Variants in ZNF490 observed in about 807,000 individuals in gnomAD.
ZNF490 encodes zinc finger protein 490.
A neutral mutation model predicts 17.7 loss-of-function variants in ZNF490; 11 were observed. That is an observed-to-expected ratio of 0.62 (90% CI 0.39 to 1.03). The LOEUF is 1.03. Among genes scored for constraint, ZNF490 ranks in the 50% least tolerant of loss-of-function variants. The pLI, the probability that ZNF490 is intolerant of heterozygous loss-of-function variation, is 0.00. For synonymous variants in ZNF490, 222 were observed against 216.1 expected, an observed-to-expected ratio of 1.03 and a Z score of -0.24; for missense variants, 542 against 643.4, an observed-to-expected ratio of 0.84 and a Z score of 1.71.
Position 12,610,722 on chromosome 19 carries a change from G to A in ZNF490, c.-42C>T. 3.8e-6 allele frequency: 6 copies of A among 1,579,792 alleles called. No individual in the cohort carries two copies. The highest frequency in any genetic ancestry group is 5.2e-6 in the Non-Finnish European group (6 of 1,152,082). On this transcript the variant is annotated 5_prime_UTR_variant, in exon 1 of 5. Transcript: ENST00000311437. ...AGAAACACTGCAGGAAGACTTCCGT[G>A]TCCGACCCGAGATCCGGAACAATTT...
intron 2 of ZNF490, 102 bp from the exon 3 acceptor site, chr19:12,583,658 C>A: frequency 7.9e-7 from 1 of 1,264,186 alleles, no homozygotes; most frequent in South Asian, 1.6e-5. Context: ...CCTGTAGTCT[C>A]GGTTTAGTGG....
rs1323598750 is a variant in ZNF490 at position 12,578,576 on chromosome 19, T to C, written c.*1909A>G. On this transcript the variant is annotated 3_prime_UTR_variant, in exon 5 of 5. Coordinates refer to ENST00000311437, the MANE Select transcript of ZNF490 (RefSeq NM_020714.3). ...AAACAGCCCTGGAATAATGCAATGCTGACAATGTCTGTGAATTAGGATGTG... is the reference window on the plus strand; with the variant it reads ...AAACAGCCCTGGAATAATGCAATGCCGACAATGTCTGTGAATTAGGATGTG... 1.0e-6 allele frequency: 1 copy of C among 985,484 alleles called. No homozygotes were observed. Among genetic ancestry groups the C allele is most frequent in the African/African-American group, 1.7e-5 (1 of 57,372 alleles). The allele number at this position is 985,484 out of a possible 1,614,324, so 61.0% of individuals were successfully genotyped here. A position where few individuals can be genotyped will look rare whatever the true frequency, so the allele number is the denominator to read the frequency against.
chr19:12,580,656 T>C lies in ZNF490; in HGVS notation c.1419A>G (p.Pro473=). The C allele has an allele frequency of 6.2e-7, 1 of 1,614,210 alleles. No homozygotes were observed. Among genetic ancestry groups the C allele is most frequent in the Non-Finnish European group, 8.5e-7 (1 of 1,180,034 alleles). The change falls in exon 5 of 5, where the codon CCA becomes CCG. Residue 473 remains proline, a synonymous_variant. Coordinates refer to ENST00000311437, the MANE Select transcript of ZNF490 (RefSeq NM_020714.3). ...RHERSHTGVK[P]CECKQCGKAF... Reference sequence around the variant, plus strand: ...CTTTGCCACACTGCTTACACTCACATGGTTTCACTCCAGTGTGACTTCTTT... The same window carrying C: ...CTTTGCCACACTGCTTACACTCACACGGTTTCACTCCAGTGTGACTTCTTT...
At chr19:12,589,396 T>C (rs772462729) in intron 2 of ZNF490, among the ~76,000 whole-genome samples, 2 of 151,924 alleles carry the variant, frequency 1.3e-5, no homozygotes, top group East Asian at 1.9e-4. Flanking sequence ...AACCAAAAGG[T>C]GGTCTTGTGA....
intron 3 of ZNF490, 41 bp downstream of exon 3, chr19:12,583,389 G>T: frequency 6.5e-7 from 1 of 1,544,664 alleles, no homozygotes; most frequent in Non-Finnish European, 8.8e-7. Context: ...AGAAACACCT[G>T]TTCCCTCCTT....
chr19:12,597,313 G>C (rs998680193), intron 2 of ZNF490: 3 of 391,562 alleles, frequency 7.7e-6, no homozygotes, highest in Admixed American at 2.8e-5. Flanking sequence ...TTCAGAGCTA[G>C]GGTGCAAGCG....
chr19:12,600,801 G>A lies in ZNF490; in HGVS notation c.162+8357C>T, dbSNP rs145603808. 1.6e-4 allele frequency among the ~76,000 whole-genome samples: 24 copies of A among 152,274 alleles called. No homozygotes were observed. In the East Asian group the frequency reaches 4.4e-3, roughly 28 times the overall value. On this transcript the variant is annotated intron_variant, in intron 2 of 4. Coordinates refer to ENST00000311437, the MANE Select transcript of ZNF490 (RefSeq NM_020714.3). The stretch of plus-strand genomic sequence containing the variant: ...AGTTTTAGATAACTTTGGAGATTGT[G>A]ACATCAGAATAGAGAAAAAATGTTC...
intron 2 of ZNF490, among the ~76,000 whole-genome samples, chr19:12,583,877 G>C (rs1183857197): frequency 2.1e-5 from 3 of 140,236 alleles, no homozygotes; most frequent in South Asian, 2.2e-4. Context: ...GTGGCACAAT[G>C]TCGGCTCACT....
intron 2 of ZNF490, among the ~76,000 whole-genome samples, chr19:12,604,971 T>C (rs1001566427): frequency 4.6e-5 from 7 of 151,906 alleles, no homozygotes; most frequent in African/African-American, 1.7e-4. Flanking sequence ...CTGGCCAACA[T>C]GGTGAAACCC....
intron 2 of ZNF490, 53 bp downstream of exon 2, chr19:12,609,105 G>T (rs2023109442): frequency 1.9e-6 from 3 of 1,581,582 alleles, no homozygotes; most frequent in African/African-American, 2.7e-5. Flanking sequence ...AGACCCAAAT[G>T]GTCATTATAA....
At chr19:12,583,342 TCCC>T (rs1599305829) in intron 3 of ZNF490, 85 bp downstream of exon 3, 2 of 1,439,050 alleles carry the variant, frequency 1.4e-6, no homozygotes, top group Non-Finnish European at 1.9e-6. Flanking sequence ...CCTGGCCCCT[TCCC>T]CCATTTTAAA....
intron 2 of ZNF490, among the ~76,000 whole-genome samples, chr19:12,589,240 C>G (rs1025177663): frequency 1.3e-5 from 2 of 152,088 alleles, no homozygotes; most frequent in African/African-American, 4.8e-5. Context: ...GCCTATAATC[C>G]CAGCTACTTG....
chr19:12,596,512 T>A (rs1373211711), intron 2 of ZNF490, among the ~76,000 whole-genome samples: 1 of 151,976 alleles, frequency 6.6e-6, no homozygotes, highest in African/African-American at 2.4e-5. Flanking sequence ...AGACCCTGTA[T>A]CTACAAAATA....
chr19:12,593,001 C>T (rs904674732), intron 2 of ZNF490, among the ~76,000 whole-genome samples: 5 of 152,176 alleles, frequency 3.3e-5, no homozygotes, highest in African/African-American at 9.7e-5. Flanking sequence ...TATGGTGCTT[C>T]GTGAGCCAGA....
chr19:12,582,297 G>A (rs1339608078), intron 4 of ZNF490, among the ~76,000 whole-genome samples: 1 of 151,028 alleles, frequency 6.6e-6, no homozygotes, highest in Non-Finnish European at 1.5e-5. Flanking sequence ...TCACTATGTT[G>A]ACCAGGCTGG....
At position 12,578,119 on chromosome 19, in the gene ZNF490, C is replaced by T; in HGVS notation, c.*2366G>A. 1 of 985,506 alleles carries T rather than the reference C, an allele frequency of 1.0e-6. No homozygotes were observed. Among genetic ancestry groups the T allele is most frequent in the Non-Finnish European group, 1.2e-6 (1 of 830,028 alleles). The allele number at this position is 985,506 out of a possible 1,614,324, so 61.0% of individuals were successfully genotyped here. On this transcript the variant is annotated 3_prime_UTR_variant, in exon 5 of 5. Transcript: ENST00000311437. The stretch of plus-strand genomic sequence containing the variant: ...TTTCCAAGAAGAGCTAAGTGCTAGT[C>T]TTAGCGGGAGGCTAGGAAACCAGTC...
In ZNF490 at chr19:12,581,079, T is replaced by C. The variant is rs1234595709; in HGVS notation, c.996A>G (p.Lys332=). 3 of 1,614,086 alleles carry C rather than the reference T, an allele frequency of 1.9e-6. No individual in the cohort carries two copies. Among genetic ancestry groups the C allele is most frequent in the Non-Finnish European group, 2.5e-6 (3 of 1,179,984 alleles). Residue 332 remains lysine (K), a synonymous_variant, in exon 5 of 5, where the codon AAA becomes AAG. Coordinates refer to ENST00000311437, the MANE Select transcript of ZNF490 (RefSeq NM_020714.3). ...TCCCACATTCCCTACATACAAAAGG[T>C]TTCTCTCCAGTATGAGTTTTCTCAT... ...RSHEKTHTGE[K]PFVCRECGRA...
intron 2 of ZNF490, among the ~76,000 whole-genome samples, chr19:12,589,218 A>G (rs769171740): frequency 6.6e-6 from 1 of 152,146 alleles, no homozygotes; most frequent in Admixed American, 6.5e-5. Context: ...TTAGCCAGGC[A>G]TGGTGGCACA....
intron 2 of ZNF490, among the ~76,000 whole-genome samples, chr19:12,598,758 G>A (rs1179197319): frequency 1.3e-5 from 2 of 151,620 alleles, no homozygotes; most frequent in Non-Finnish European, 2.9e-5. Flanking sequence ...GGAGGCTGAG[G>A]CAGGCGGATC....
Sources: allele counts gnomAD v4.1 joint callset (sites outside exome capture counted in the v4.1 genomes callset), GRCh38; gene constraint gnomAD v4.1.1; transcripts MANE v1.5; gene names NCBI Gene and HGNC (gene_info 2026-07-23, HGNC 2026-07-21).